The following PDE4D variants were observed in gnomAD, a reference collection of about 807,000 sequenced individuals.
The protein encoded by PDE4D is phosphodiesterase 4D, also known as 3',5'-cyclic-AMP phosphodiesterase 4D.
A neutral mutation model predicts 87.4 loss-of-function variants in PDE4D; 24 were observed. The ratio of observed to expected loss-of-function variants is 0.27; its 90% CI spans 0.20 to 0.39. The LOEUF is 0.39. Ranked by LOEUF, PDE4D falls within the 10% of genes least tolerant of loss-of-function variation. PDE4D has a pLI of 1.00. For synonymous variants in PDE4D, 384 were observed against 383.2 expected (o/e 1.00, Z -0.02); for missense variants, 714 against 1,041.0 (o/e 0.69, Z 4.32).
chr5:59,691,756 T>C (rs1418612427), intron 1 of PDE4D, among the ~76,000 whole-genome samples: 1 of 151,744 alleles, frequency 6.6e-6, no homozygotes, highest in East Asian at 1.9e-4. Context: ...AGCCAAACTA[T>C]TTTAAGATGA....
At chr5:60,482,453 T>C (rs1748805958) in intron 1 of PDE4D, among the ~76,000 whole-genome samples, 1 of 152,226 alleles carries the variant, frequency 6.6e-6, no homozygotes, top group African/African-American at 2.4e-5. Context: ...CCAGCTTCCC[T>C]TTCACTATAT....
intron 1 of PDE4D, among the ~76,000 whole-genome samples, chr5:60,455,420 C>T (rs1746396266): frequency 6.6e-6 from 1 of 151,992 alleles, no homozygotes; most frequent in African/African-American, 2.4e-5. Flanking sequence ...CAGAGGAAGG[C>T]TCTATTTTAA....
chr5:59,550,622 A>G (rs1817958470), intron 1 of PDE4D, among the ~76,000 whole-genome samples: 1 of 152,092 alleles, frequency 6.6e-6, no homozygotes, highest in Non-Finnish European at 1.5e-5. Context: ...TTATTCATGT[A>G]ACTCACCAAT....
intron 1 of PDE4D, among the ~76,000 whole-genome samples, chr5:59,349,201 C>T (rs915963031): frequency 6.6e-6 from 1 of 152,134 alleles, no homozygotes. Context: ...ATAACCCAGC[C>T]TTACGGAAAA....
chr5:59,632,285 C>T (rs192685200), intron 1 of PDE4D, among the ~76,000 whole-genome samples: 53 of 152,286 alleles, frequency 3.5e-4, no homozygotes, highest in African/African-American at 1.3e-3. Flanking sequence ...TGGGACAGAG[C>T]ACCTGGGGGG....
intron 1 of PDE4D, among the ~76,000 whole-genome samples, chr5:59,669,576 C>T (rs1182080248): frequency 6.6e-6 from 1 of 152,152 alleles, no homozygotes; most frequent in Non-Finnish European, 1.5e-5. Flanking sequence ...TAAAATTTAA[C>T]TAATTCTGGA....
At chr5:59,159,923 T>A (rs1780788867) in intron 5 of PDE4D, among the ~76,000 whole-genome samples, 1 of 152,076 alleles carries the variant, frequency 6.6e-6, no homozygotes, top group South Asian at 2.1e-4. Context: ...GCAGCCAGAT[T>A]TGCTGCTCGT....
chr5:59,847,878 A>G (rs1744095989), intron 1 of PDE4D, among the ~76,000 whole-genome samples: 1 of 152,114 alleles, frequency 6.6e-6, no homozygotes, highest in African/African-American at 2.4e-5. Context: ...TGAGCTTCTC[A>G]GCACAGCTTT....
chr5:59,629,590 A>G (rs1338091620), intron 1 of PDE4D, among the ~76,000 whole-genome samples: 1 of 152,114 alleles, frequency 6.6e-6, no homozygotes, highest in Non-Finnish European at 1.5e-5. Flanking sequence ...AACCCTGCCA[A>G]CACCTTGATC....
At chr5:60,515,411 T>C (rs1225842422) in intron 1 of PDE4D, among the ~76,000 whole-genome samples, 1 of 152,104 alleles carries the variant, frequency 6.6e-6, no homozygotes, top group African/African-American at 2.4e-5. Flanking sequence ...CCCCATTAAT[T>C]TACATCTTTA....
Position 59,053,645 on chromosome 5 carries a change from G to GTTTTTT in PDE4D, c.809-14680_809-14675dup, listed in dbSNP as rs1338731940. On this transcript the variant is annotated intron_variant, in intron 5 of 14. Transcript: ENST00000340635. ...TATGAATTAAGTTGTTTTGTTTTTT[G>GTTTTTT]TTTTTTTTTGTTGTTGTTTTTTTTT... 8.3e-4 allele frequency among the ~76,000 whole-genome samples: 57 copies of GTTTTTT among 68,782 alleles called. 4 individuals carry two copies. Among genetic ancestry groups the GTTTTTT allele is most frequent in the East Asian group, 1.9e-3 (3 of 1,610 alleles). The allele number at this position is 68,782 out of a possible 152,430, so 45.1% of individuals were successfully genotyped here.
chr5:59,667,645 ACT>A (rs547969976), intron 1 of PDE4D, among the ~76,000 whole-genome samples: 94 of 152,098 alleles, frequency 6.2e-4, no homozygotes, highest in African/African-American at 2.2e-3. Context: ...TAGATGTCTC[ACT>A]CTTTTTCAAG....
intron 2 of PDE4D, among the ~76,000 whole-genome samples, chr5:60,117,658 CA>C (rs1778286852): frequency 6.6e-6 from 1 of 152,080 alleles, no homozygotes; most frequent in African/African-American, 2.4e-5. Context: ...CATCAATCAT[CA>C]CCTTACTCCT....
chr5:59,678,069 CA>C (rs1296817574), intron 1 of PDE4D, among the ~76,000 whole-genome samples: 51 of 152,066 alleles, frequency 3.4e-4, no homozygotes, highest in African/African-American at 1.1e-3. Flanking sequence ...CACAAATCAG[CA>C]AGGCACTAAA....
At chr5:59,678,988 G>A (rs919879937) in intron 1 of PDE4D, among the ~76,000 whole-genome samples, 1 of 152,084 alleles carries the variant, frequency 6.6e-6, no homozygotes, top group African/African-American at 2.4e-5. Context: ...CCTAGACTGA[G>A]CATTACCAAT....
intron 1 of PDE4D, among the ~76,000 whole-genome samples, chr5:59,378,142 C>G (rs1392448908): frequency 6.6e-6 from 1 of 152,090 alleles, no homozygotes; most frequent in Admixed American, 6.6e-5. Flanking sequence ...AACATGGATA[C>G]AGCTGGAGGC....
In PDE4D at chr5:60,189,608, G is replaced by A. The variant is rs146747860; in HGVS notation, c.-89-3921C>T. 4.7e-3 allele frequency among the ~76,000 whole-genome samples: 723 copies of A among 152,264 alleles called. 6 individuals carry two copies. Among genetic ancestry groups the A allele is most frequent in the African/African-American group, 0.017 (695 of 41,546 alleles). On this transcript the variant is annotated intron_variant, in intron 1 of 16. Transcript: ENST00000502484. ...ACATCCTTAAATATGAGTGAAAAGG[G>A]ATTCCAATCATCCACAAAATATTAG... is the stretch of plus-strand genomic sequence containing the variant.
At chr5:59,623,980 A>G (rs759998522) in intron 1 of PDE4D, among the ~76,000 whole-genome samples, 1 of 151,144 alleles carries the variant, frequency 6.6e-6, no homozygotes, top group East Asian at 2.0e-4. Flanking sequence ...TCAGTTAACT[A>G]TCATAAATAT....
chr5:59,618,377 A>G (rs990913689), intron 1 of PDE4D, among the ~76,000 whole-genome samples: 1 of 152,176 alleles, frequency 6.6e-6, no homozygotes, highest in Non-Finnish European at 1.5e-5. Flanking sequence ...ACAAAGGCTC[A>G]GAGACAAGAG....
Sources: allele counts gnomAD v4.1 joint callset (sites outside exome capture counted in the v4.1 genomes callset), GRCh38; gene constraint gnomAD v4.1.1; transcripts MANE v1.5; gene names NCBI Gene and HGNC (gene_info 2026-07-23, HGNC 2026-07-21).